The following SHANK2 variants were observed in gnomAD, a reference collection of about 807,000 sequenced individuals.
SHANK2 encodes SH3 and multiple ankyrin repeat domains protein 2.
In SHANK2, 43 loss-of-function variants were observed where a neutral mutation model predicts 133.7. That is an observed-to-expected ratio of 0.32 (90% CI 0.25 to 0.41). The LOEUF is 0.41. Among genes scored for constraint, SHANK2 ranks in the 10% least tolerant of loss-of-function variants. The pLI is 1.00. For synonymous variants in SHANK2, 1,017 were observed against 952.8 expected (o/e 1.07, Z -1.24); for missense variants, 1,994 against 2,235.8 (o/e 0.89, Z 2.18).
chr11:70,848,982 T>A (rs975041421), intron 11 of SHANK2, among the ~76,000 whole-genome samples: 2 of 152,128 alleles, frequency 1.3e-5, no homozygotes, highest in Non-Finnish European at 2.9e-5. Context: ...TGAGGCTTGA[T>A]GCTGCGTGAA....
intron 17 of SHANK2, among the ~76,000 whole-genome samples, chr11:70,543,807 C>T (rs565334880): frequency 5.3e-5 from 8 of 152,292 alleles, no homozygotes; most frequent in Non-Finnish European, 1.2e-4. Flanking sequence ...GGACGTGGGG[C>T]CCATCTTGTG....
intron 17 of SHANK2, among the ~76,000 whole-genome samples, chr11:70,537,828 G>T (rs1356846061): frequency 2.0e-5 from 3 of 152,230 alleles, no homozygotes; most frequent in Non-Finnish European, 2.9e-5. Context: ...TGCGGGGCCA[G>T]GCCTGGTGTA....
chr11:70,851,941 TTAA>T (rs1268612782), intron 11 of SHANK2, among the ~76,000 whole-genome samples: 1 of 152,140 alleles, frequency 6.6e-6, no homozygotes, highest in Non-Finnish European at 1.5e-5. Context: ...ATGTGATCAA[TTAA>T]TAAGAATCAC....
At chr11:70,895,171 C>T (rs542340137) in intron 11 of SHANK2, among the ~76,000 whole-genome samples, 55 of 152,342 alleles carry the variant, frequency 3.6e-4, no homozygotes, top group African/African-American at 1.2e-3. Context: ...CTTGATGACG[C>T]AAGCCATGCA....
chr11:70,688,277 G>C (rs1591751189), intron 15 of SHANK2, among the ~76,000 whole-genome samples: 1 of 152,186 alleles, frequency 6.6e-6, no homozygotes, highest in Admixed American at 6.5e-5. Flanking sequence ...CAGAGGGTCT[G>C]AGCGTACCTC....
chr11:70,730,003 C>T (rs1946252806), intron 14 of SHANK2, among the ~76,000 whole-genome samples: 1 of 151,964 alleles, frequency 6.6e-6, no homozygotes, highest in Admixed American at 6.6e-5. Context: ...GCAAAACCGC[C>T]TCTCCCTGCC....
At chr11:70,613,505 GT>G (rs1436312759) in intron 17 of SHANK2, among the ~76,000 whole-genome samples, 1 of 151,990 alleles carries the variant, frequency 6.6e-6, no homozygotes, top group African/African-American at 2.4e-5. Context: ...ACCCGGCCAT[GT>G]TTTTCTTTTT....
At chr11:71,200,838 AC>A (rs1954005003) in intron 2 of SHANK2, among the ~76,000 whole-genome samples, 1 of 141,968 alleles carries the variant, frequency 7.0e-6, no homozygotes, top group African/African-American at 2.6e-5. Context: ...TAATACACAC[AC>A]ACACACACAC....
rs1555052083 is a variant in SHANK2 at position 70,807,085 on chromosome 11, G to A, written c.1580C>T (p.Pro527Leu). 8 of 717,920 alleles carry A rather than the reference G, an allele frequency of 1.1e-5. No homozygotes were observed. In the Admixed American group the frequency reaches 1.6e-4, roughly 14 times the overall value. 44.5% of individuals were successfully genotyped at this position (717,920 alleles called of 1,614,324 possible). Residue 527 changes from proline to leucine, a missense_variant, in exon 13 of 26, where the codon CCC (proline) becomes CTC (leucine). Pro to Leu is a moderately conservative substitution (Grantham distance 98). Transcript: ENST00000601538. The surrounding 1 kb of genome is among the most constrained non-coding windows in gnomAD (Gnocchi z 4.8). ...GPKRKLYSAV[P>L]GRLFVAVKPY... Reference sequence around the variant, plus strand: ...CTTGACAGCGACGAAGAGCCTCCCGGGCACGGCACTGTAGAGCTTCCGCTT... The same window carrying A: ...CTTGACAGCGACGAAGAGCCTCCCGAGCACGGCACTGTAGAGCTTCCGCTT...
intron 17 of SHANK2, among the ~76,000 whole-genome samples, chr11:70,618,600 C>T (rs1330514416): frequency 2.6e-5 from 4 of 152,154 alleles, no homozygotes; most frequent in African/African-American, 4.8e-5. Context: ...ACAAGGCTGG[C>T]TACTTAGAGC....
At chr11:70,894,868 C>T (rs1324779818) in intron 11 of SHANK2, among the ~76,000 whole-genome samples, 9 of 152,244 alleles carry the variant, frequency 5.9e-5, no homozygotes, top group African/African-American at 1.9e-4. Flanking sequence ...ACTCCCTTCA[C>T]AGCAGCCGAT....
intron 15 of SHANK2, among the ~76,000 whole-genome samples, chr11:70,688,305 C>A (rs1719971503): frequency 1.3e-5 from 2 of 152,212 alleles, no homozygotes; most frequent in African/African-American, 4.8e-5. Flanking sequence ...AAAAACCTAC[C>A]CTCACCTTGG....
intron 14 of SHANK2, among the ~76,000 whole-genome samples, chr11:70,797,217 G>C (rs1452030352): frequency 6.6e-6 from 1 of 152,218 alleles, no homozygotes; most frequent in Non-Finnish European, 1.5e-5. Context: ...AACAGAGAAA[G>C]ACCCCATTCT....
In SHANK2 at chr11:71,252,195, G is replaced by A. The variant is rs1358847771; in HGVS notation, c.-113+230C>T. Among the ~76,000 whole-genome samples the A allele has an allele frequency of 1.3e-5, 2 of 152,222 alleles. No homozygotes were observed. Among genetic ancestry groups the A allele is most frequent in the African/African-American group, 4.8e-5 (2 of 41,570 alleles). ...GGCCCCTGCCCGGGAAGAAAGGCAT[G>A]CAGGGGGAAGGGCTCTCTACGGAAA... On this transcript the variant is annotated intron_variant, in intron 1 of 25. Coordinates refer to ENST00000601538, the MANE Select transcript of SHANK2 (RefSeq NM_012309.5). This position sits in a 1 kb window ranked among gnomAD's most constrained non-coding sequence, Gnocchi z 6.3.
At position 70,872,964 on chromosome 11, in the gene SHANK2, C is replaced by T. The variant is rs1469128035; in HGVS notation, c.1174+23537G>A. On this transcript the variant is annotated intron_variant, in intron 11 of 25. Transcript: ENST00000601538. ...CTCCCCACACTCATGACCTCCACCTCCCCCAGCCCCAAACATTACAAAAGC... is the reference window on the plus strand; with the variant it reads ...CTCCCCACACTCATGACCTCCACCTTCCCCAGCCCCAAACATTACAAAAGC... The T allele has an allele frequency of 3.6e-5, 17 of 469,898 alleles. No individual in the cohort carries two copies. In the East Asian group the frequency reaches 1.1e-3, roughly 31 times the overall value. 29.1% of individuals were successfully genotyped at this position (469,898 alleles called of 1,614,324 possible).
chr11:70,471,187 C>T lies in SHANK2; in HGVS notation c.*1682G>A. The T allele has an allele frequency of 2.5e-6, 1 of 395,288 alleles. No individual in the cohort carries two copies. The allele number at this position is 395,288 out of a possible 1,614,324, so 24.5% of individuals were successfully genotyped here. A position where few individuals can be genotyped will look rare whatever the true frequency, so the allele number is the denominator to read the frequency against. On this transcript the variant is annotated 3_prime_UTR_variant, in exon 26 of 26. Transcript: ENST00000601538. This position sits in a 1 kb window ranked among gnomAD's most constrained non-coding sequence, Gnocchi z 4.1. ...CTATCTGTACAACTATTTAAACTTGCAGTAAAGAAAGATTTTAAATTGCTA... is the reference window on the plus strand; with the variant it reads ...CTATCTGTACAACTATTTAAACTTGTAGTAAAGAAAGATTTTAAATTGCTA...
intron 14 of SHANK2, among the ~76,000 whole-genome samples, chr11:70,735,102 G>C (rs1946374727): frequency 6.6e-6 from 1 of 152,192 alleles, no homozygotes; most frequent in Non-Finnish European, 1.5e-5. Context: ...GCGAGGCCGT[G>C]GCCTCCCCCC....
At position 71,188,177 on chromosome 11, in the gene SHANK2, A is replaced by G. The variant is rs1376488550; in HGVS notation, c.-13+36520T>C. The stretch of plus-strand genomic sequence containing the variant: ...CCCCGTTTTCCCAGCCACTCCTGAG[A>G]CCTGGTGATCTTGCCACCTCCATCT... On this transcript the variant is annotated intron_variant, in intron 2 of 25. Transcript: ENST00000601538. The surrounding 1 kb of genome is among the most constrained non-coding windows in gnomAD (Gnocchi z 4.6). Among the ~76,000 whole-genome samples the G allele has an allele frequency of 2.6e-5, 4 of 152,032 alleles. No individual in the cohort carries two copies. The highest frequency in any genetic ancestry group is 9.7e-5 in the African/African-American group (4 of 41,400).
At chr11:70,816,830 A>C (rs1555054479) in intron 12 of SHANK2, among the ~76,000 whole-genome samples, 1 of 152,104 alleles carries the variant, frequency 6.6e-6, no homozygotes. Context: ...GGAAGCAGAC[A>C]GCTCTAGCCA....
Sources: allele counts gnomAD v4.1 joint callset (sites outside exome capture counted in the v4.1 genomes callset), GRCh38; gene constraint gnomAD v4.1.1; non-coding constraint Gnocchi (gnomAD v3.1); transcripts MANE v1.5; gene names NCBI Gene and HGNC (gene_info 2026-07-23, HGNC 2026-07-21).